KLRF1: variants seen among roughly 807,000 people sequenced by gnomAD.
KLRF1 encodes the protein killer cell lectin-like receptor subfamily F member 1.
A neutral mutation model predicts 30.7 loss-of-function variants in KLRF1; 27 were observed. The ratio of observed to expected loss-of-function variants is 0.88; its 90% CI spans 0.65 to 1.21. KLRF1 has a LOEUF of 1.21. Ranked by LOEUF, KLRF1 falls within the 50% of genes most tolerant of loss-of-function variation. The pLI is 0.00. For synonymous variants in KLRF1, 92 were observed against 89.3 expected (o/e 1.03, Z -0.17); for missense variants, 246 against 259.3 (o/e 0.95, Z 0.35).
In KLRF1 at chr12:9,844,516, G is replaced by T. The variant is rs746101740; in HGVS notation, c.686G>T (p.Cys229Phe). 5 of 1,588,274 alleles carry T rather than the reference G, an allele frequency of 3.1e-6. No individual in the cohort carries two copies. The South Asian group carries it at 5.5e-5, about 18-fold the overall frequency. Residue 229 changes from cysteine (C) to phenylalanine (F), a missense_variant, in exon 6 of 6, where the codon TGT becomes TTT. Cys to Phe is a radical substitution (Grantham distance 205). Transcript: ENST00000617889. Reference protein sequence around the residue: ...ETCSSVFKWICQY With the variant: ...ETCSSVFKWIFQY The stretch of plus-strand genomic sequence containing the variant: ...TGCAGCAGTGTTTTCAAATGGATTT[G>T]TCAGTATTAGAGTTTGACAAAATTC...
chr12:9,831,673 G>A (rs1376957869), intron 1 of KLRF1, among the ~76,000 whole-genome samples: 1 of 152,038 alleles, frequency 6.6e-6, no homozygotes, highest in Non-Finnish European at 1.5e-5. Context: ...ACTCTCTACT[G>A]TCTGTCCAAT....
At chr12:9,811,895 T>C in the KLRF1 span, among the ~76,000 whole-genome samples, 1 of 152,222 alleles carries the variant, frequency 6.6e-6, no homozygotes, top group Non-Finnish European at 1.5e-5. Flanking sequence ...GGTAAGCAGA[T>C]GTAACATGCA....
the KLRF1 span, among the ~76,000 whole-genome samples, chr12:9,820,127 A>T: frequency 6.6e-6 from 1 of 151,436 alleles, no homozygotes; most frequent in Admixed American, 6.6e-5. Context: ...CCCAACTGGG[A>T]TCACCAGCCA....
At chr12:9,828,483 A>G (rs117092366) in intron 1 of KLRF1, among the ~76,000 whole-genome samples, 1 of 152,352 alleles carries the variant, frequency 6.6e-6, no homozygotes, top group Non-Finnish European at 1.5e-5. Context: ...TTAATTTGCT[A>G]CTTCAAGCAT....
chr12:9,831,307 TTATGA>T (rs1237280906), intron 1 of KLRF1, among the ~76,000 whole-genome samples: 2 of 152,146 alleles, frequency 1.3e-5, no homozygotes, highest in African/African-American at 4.8e-5. Context: ...TTTGACAATG[TTATGA>T]TAAGAGAAAC....
intron 2 of KLRF1, 127 bp downstream of exon 2, chr12:9,832,541 G>A (rs1031113485): frequency 1.9e-5 from 12 of 619,084 alleles, no homozygotes; most frequent in Admixed American, 8.4e-5. Context: ...GCTACTGCAT[G>A]TAAAGCTCTA....
At chr12:9,806,299 C>T in the KLRF1 span, among the ~76,000 whole-genome samples, 5,103 of 151,990 alleles carry the variant, frequency 0.034, 263 homozygotes, top group African/African-American at 0.11. Context: ...ATTGACAAAC[C>T]TAGCTGTAAG....
intron 3 of KLRF1, among the ~76,000 whole-genome samples, chr12:9,838,240 T>G (rs768290377): frequency 2.6e-5 from 4 of 152,086 alleles, no homozygotes; most frequent in Admixed American, 6.6e-5. Context: ...TAATTGAGGT[T>G]GAGTCTTCAA....
At chr12:9,812,712 A>G in the KLRF1 span, among the ~76,000 whole-genome samples, 4 of 151,852 alleles carry the variant, frequency 2.6e-5, no homozygotes, top group African/African-American at 9.7e-5. Flanking sequence ...CTTGGGGTAT[A>G]TTTTATCACC....
the KLRF1 span, among the ~76,000 whole-genome samples, chr12:9,800,254 T>G: frequency 2.0e-5 from 3 of 152,114 alleles, no homozygotes; most frequent in Admixed American, 6.6e-5. Context: ...GCATTTGGTG[T>G]TGTTCATATT....
chr12:9,824,043 A>G (rs927815954), upstream of KLRF1, among the ~76,000 whole-genome samples: 2 of 152,148 alleles, frequency 1.3e-5, no homozygotes, highest in African/African-American at 2.4e-5. Flanking sequence ...ATTCTGCCAG[A>G]TGTACAGAGC....
chr12:9,829,137 G>A (rs997745422), intron 1 of KLRF1, among the ~76,000 whole-genome samples: 2 of 152,144 alleles, frequency 1.3e-5, no homozygotes, highest in African/African-American at 2.4e-5. Context: ...TTTGTTGCCA[G>A]TGATAGTAAG....
At chr12:9,837,102 C>T (rs1867593983) in intron 3 of KLRF1, among the ~76,000 whole-genome samples, 2 of 152,024 alleles carry the variant, frequency 1.3e-5, no homozygotes, top group African/African-American at 4.8e-5. Context: ...ACATACCCAA[C>T]AAGCAAATCA....
rs139148169 is a variant in KLRF1 at position 9,833,640 on chromosome 12, C to A, written c.334+188C>A. On this transcript the variant is annotated intron_variant, in intron 3 of 5. Coordinates refer to ENST00000617889, the MANE Select transcript of KLRF1 (RefSeq NM_016523.3). Reference sequence around the variant, plus strand: ...AGTGGGAGAAAATGGTAAAACAACACAAGAAATAGGCTCTGCCCTCCAGGA... The same window carrying A: ...AGTGGGAGAAAATGGTAAAACAACAAAAGAAATAGGCTCTGCCCTCCAGGA... 3.3e-3 allele frequency among the ~76,000 whole-genome samples: 509 copies of A among 152,236 alleles called. 4 individuals are homozygous for A. The highest frequency in any genetic ancestry group is 0.012 in the African/African-American group (482 of 41,558).
At chr12:9,838,604 C>A (rs1270689352) in intron 3 of KLRF1, among the ~76,000 whole-genome samples, 1 of 152,040 alleles carries the variant, frequency 6.6e-6, no homozygotes, top group Admixed American at 6.6e-5. Flanking sequence ...TCCAAGATAC[C>A]AACCAAGGCA....
chr12:9,828,251 T>C (rs527787972), intron 1 of KLRF1, among the ~76,000 whole-genome samples: 5 of 152,028 alleles, frequency 3.3e-5, no homozygotes, highest in Non-Finnish European at 4.4e-5. Flanking sequence ...GGCTAATTTT[T>C]TGCGTTTTTA....
intron 3 of KLRF1, among the ~76,000 whole-genome samples, chr12:9,837,451 G>T (rs1407262463): frequency 6.6e-6 from 1 of 151,948 alleles, no homozygotes; most frequent in Non-Finnish European, 1.5e-5. Flanking sequence ...ATGTTTGTGT[G>T]TGCAGAGCTT....
chr12:9,816,573 A>G, the KLRF1 span, among the ~76,000 whole-genome samples: 6 of 151,970 alleles, frequency 3.9e-5, no homozygotes, highest in East Asian at 1.2e-3. Context: ...GATGCAGAAA[A>G]CATTCTATTT....
intron 3 of KLRF1, among the ~76,000 whole-genome samples, chr12:9,835,202 C>G (rs1261883502): frequency 6.6e-6 from 1 of 152,006 alleles, no homozygotes; most frequent in Non-Finnish European, 1.5e-5. Context: ...GTGCATGTAC[C>G]TGTCCAATTA....
Sources: allele counts gnomAD v4.1 joint callset (sites outside exome capture counted in the v4.1 genomes callset), GRCh38; gene constraint gnomAD v4.1.1; transcripts MANE v1.5; gene names NCBI Gene and HGNC (gene_info 2026-07-23, HGNC 2026-07-21).